The following MKLN1 variants were observed in gnomAD, a reference collection of about 807,000 sequenced individuals.
MKLN1 encodes the protein muskelin.
In MKLN1, 18 loss-of-function variants were observed where a neutral mutation model predicts 99.0. The ratio of observed to expected loss-of-function variants is 0.18; its 90% CI spans 0.13 to 0.27. The LOEUF (loss-of-function observed/expected upper bound fraction) is 0.27, where lower values mean the gene tolerates loss of function less well. Among genes scored for constraint, MKLN1 ranks in the 10% least tolerant of loss-of-function variants. MKLN1 has a pLI of 1.00. For missense variants in MKLN1, 621 were observed against 875.9 expected (o/e 0.71, Z 3.67); for synonymous variants, 288 against 293.2 (o/e 0.98, Z 0.18).
At chr7:131,431,082 C>T (rs1367060548) in intron 9 of MKLN1, among the ~76,000 whole-genome samples, 6 of 152,052 alleles carry the variant, frequency 3.9e-5, no homozygotes, top group Non-Finnish European at 8.8e-5. Flanking sequence ...ACTAGCTGGG[C>T]ATGGTAGCAG....
In MKLN1 at chr7:131,470,822, T is replaced by TGTAAA; in HGVS notation, c.1929-20_1929-19insGTAAA. ...ATTTTCTCATAACTCCAGATAATTA[T>TGTAAA]CCTTGTGTACATTTTCTAGGTTTGA... is the stretch of plus-strand genomic sequence containing the variant. On this transcript the variant is annotated intron_variant, in intron 15 of 17. Coordinates refer to ENST00000352689, the MANE Select transcript of MKLN1 (RefSeq NM_013255.5). 6 of 1,447,814 alleles carry TGTAAA rather than the reference T, an allele frequency of 4.1e-6. No homozygotes were observed. The highest frequency in any genetic ancestry group is 4.9e-6 in the Non-Finnish European group (5 of 1,029,638). The allele number at this position is 1,447,814 out of a possible 1,614,324, so 89.7% of individuals were successfully genotyped here. A position where few individuals can be genotyped will look rare whatever the true frequency, so the allele number is the denominator to read the frequency against.
chr7:131,451,681 A>G (rs1319013507), intron 12 of MKLN1, among the ~76,000 whole-genome samples: 1 of 152,216 alleles, frequency 6.6e-6, no homozygotes, highest in Non-Finnish European at 1.5e-5. Flanking sequence ...ATTTATTAGC[A>G]TTGTGTCTAA....
At chr7:131,295,007 T>C (rs1169321084) in intron 3 of MKLN1, among the ~76,000 whole-genome samples, 3 of 152,178 alleles carry the variant, frequency 2.0e-5, no homozygotes, top group African/African-American at 7.2e-5. Flanking sequence ...ACTTTCCCTT[T>C]GTAAGTTTTC....
At chr7:131,470,813 A>C in intron 15 of MKLN1, 29 bp from the exon 16 acceptor site, 3 of 1,356,832 alleles carry the variant, frequency 2.2e-6, no homozygotes, top group Non-Finnish European at 3.2e-6. Flanking sequence ...TCATAACTCC[A>C]GATAATTATC....
intron 3 of MKLN1, chr7:131,242,981 C>A: frequency 3.2e-6 from 2 of 621,802 alleles, no homozygotes; most frequent in Non-Finnish European, 6.2e-6. Flanking sequence ...ACAAGCGGTT[C>A]TTCCAGAAGC....
intron 6 of MKLN1, among the ~76,000 whole-genome samples, chr7:131,403,248 C>T (rs1794602572): frequency 6.6e-6 from 1 of 152,200 alleles, no homozygotes; most frequent in African/African-American, 2.4e-5. Context: ...TGGCTTCTTT[C>T]TTTAAACTTC....
chr7:131,151,476 C>T (rs1187417321), intron 2 of MKLN1, among the ~76,000 whole-genome samples: 3 of 152,166 alleles, frequency 2.0e-5, no homozygotes, highest in African/African-American at 7.2e-5. Flanking sequence ...TATCCTATTA[C>T]ACCAAATGAC....
At chr7:131,389,354 G>A (rs1364001786) in intron 4 of MKLN1, among the ~76,000 whole-genome samples, 1 of 151,876 alleles carries the variant, frequency 6.6e-6, no homozygotes, top group Non-Finnish European at 1.5e-5. Flanking sequence ...TTTATGGAAG[G>A]TTTATCACTT....
intron 3 of MKLN1, among the ~76,000 whole-genome samples, chr7:131,207,334 A>G (rs1212595402): frequency 6.6e-6 from 1 of 152,018 alleles, no homozygotes; most frequent in Non-Finnish European, 1.5e-5. Context: ...AGTAGCTGGG[A>G]TTACAGGTGT....
chr7:131,377,086 A>G (rs1395029411), intron 2 of MKLN1, among the ~76,000 whole-genome samples: 3 of 152,186 alleles, frequency 2.0e-5, no homozygotes, highest in Non-Finnish European at 4.4e-5. Flanking sequence ...ATAGGCATTT[A>G]GGCTTTTTAC....
chr7:131,116,098 G>A (rs982494809), intron 1 of MKLN1, among the ~76,000 whole-genome samples: 1 of 152,074 alleles, frequency 6.6e-6, no homozygotes, highest in African/African-American at 2.4e-5. Context: ...GAGGTCAGGA[G>A]ATCGAGACCA....
chr7:131,437,236 C>G (rs1795700540), intron 9 of MKLN1, among the ~76,000 whole-genome samples: 1 of 152,064 alleles, frequency 6.6e-6, no homozygotes, highest in Non-Finnish European at 1.5e-5. Context: ...ACCCCCACCC[C>G]TCGACAGTCC....
intron 3 of MKLN1, among the ~76,000 whole-genome samples, chr7:131,244,131 C>A (rs1467824089): frequency 1.3e-5 from 2 of 152,072 alleles, no homozygotes; most frequent in Non-Finnish European, 2.9e-5. Context: ...GAGTGGTACC[C>A]GATTTCCCTC....
At chr7:131,479,806 G>A (rs559361858) in intron 17 of MKLN1, among the ~76,000 whole-genome samples, 47 of 151,422 alleles carry the variant, frequency 3.1e-4, no homozygotes, top group Non-Finnish European at 4.6e-4. Flanking sequence ...CAGCCTGGGC[G>A]ACAGAGTGAG....
At position 131,130,375 on chromosome 7, in the gene MKLN1, C is replaced by A. The variant is rs143397708; in HGVS notation, c.-418-12445C>A. Among the ~76,000 whole-genome samples the A allele has an allele frequency of 2.0e-3, 312 of 152,310 alleles. 2 individuals carry two copies. The highest frequency in any genetic ancestry group is 6.9e-3 in the African/African-American group (288 of 41,572). Reference sequence around the variant, plus strand: ...GAAAGTTGGTATCAACGAGAGCCAACCTGGGTTCACTTAAGTACTTCCAAA... The same window carrying A: ...GAAAGTTGGTATCAACGAGAGCCAAACTGGGTTCACTTAAGTACTTCCAAA... On this transcript the variant is annotated intron_variant, in intron 1 of 7. Transcript: ENST00000416992.
At chr7:131,251,977 C>A (rs539474471) in intron 3 of MKLN1, among the ~76,000 whole-genome samples, 16 of 152,162 alleles carry the variant, frequency 1.1e-4, no homozygotes, top group Non-Finnish European at 2.4e-4. Context: ...CCACTCCCAG[C>A]CCCAACTTCA....
intron 2 of MKLN1, among the ~76,000 whole-genome samples, chr7:131,377,222 T>C (rs1793691713): frequency 6.6e-6 from 1 of 152,190 alleles, no homozygotes; most frequent in Non-Finnish European, 1.5e-5. Flanking sequence ...ATAGGGTAGG[T>C]ATATGTGTAT....
intron 1 of MKLN1, among the ~76,000 whole-genome samples, chr7:131,362,403 A>C (rs1177883810): frequency 2.0e-5 from 3 of 151,986 alleles, no homozygotes; most frequent in Non-Finnish European, 4.4e-5. Flanking sequence ...ACTTTTCTTA[A>C]TTTTATGAGT....
chr7:131,447,574 C>A (rs551248074), intron 12 of MKLN1, among the ~76,000 whole-genome samples: 2 of 152,110 alleles, frequency 1.3e-5, no homozygotes, highest in Non-Finnish European at 2.9e-5. Flanking sequence ...GGTAATACTC[C>A]TTCTACAATC....
Sources: gnomAD v4.1 joint callset for allele counts (sites outside exome capture counted in the v4.1 genomes callset) on GRCh38, gnomAD v4.1.1 for gene constraint, MANE v1.5 for transcripts, NCBI Gene and HGNC (gene_info 2026-07-23, HGNC 2026-07-21) for gene names.